The following CRTC3 variants were observed in gnomAD, a reference collection of about 807,000 sequenced individuals.
CRTC3 encodes CREB-regulated transcription coactivator 3.
In CRTC3, 26 loss-of-function variants were observed where a neutral mutation model predicts 74.5. The ratio of observed to expected loss-of-function variants is 0.35; its 90% CI spans 0.26 to 0.48. CRTC3 has a LOEUF of 0.48. Among genes scored for constraint, CRTC3 ranks in the 20% least tolerant of loss-of-function variants. The probability of loss-of-function intolerance (pLI) is 0.99; values close to 1 mark genes in which losing one functional copy is unlikely to be tolerated. For synonymous variants in CRTC3, 377 were observed against 325.8 expected (o/e 1.16, Z -1.69); for missense variants, 760 against 787.3 (o/e 0.97, Z 0.41).
At chr15:90,560,781 G>T (rs1405515730) in intron 2 of CRTC3, among the ~76,000 whole-genome samples, 1 of 152,158 alleles carries the variant, frequency 6.6e-6, no homozygotes, top group African/African-American at 2.4e-5. Flanking sequence ...AATTACCAAG[G>T]CTCCTGATTG....
Position 90,618,085 on chromosome 15 carries a change from C to G in CRTC3, c.699+117C>G, listed in dbSNP as rs979823688. The stretch of plus-strand genomic sequence containing the variant: ...ACTGGGGGAAAAGGAGAAGATTTGT[C>G]TGAGAACAGAGATAAGAATATACAA... On this transcript the variant is annotated intron_variant, in intron 8 of 14. Transcript: ENST00000268184. 4 of 646,674 alleles carry G rather than the reference C, an allele frequency of 6.2e-6. No individual in the cohort carries two copies. The African/African-American group carries it at 7.3e-5, about 12-fold the overall frequency. 40.1% of individuals were successfully genotyped at this position (646,674 alleles called of 1,614,324 possible).
intron 2 of CRTC3, among the ~76,000 whole-genome samples, chr15:90,562,981 A>G (rs2151066457): frequency 6.6e-6 from 1 of 152,338 alleles, no homozygotes; most frequent in African/African-American, 2.4e-5. Flanking sequence ...TGTCTCTCTC[A>G]GTATCTCTTA....
chr15:90,577,719 A>G (rs1967439737), intron 2 of CRTC3, among the ~76,000 whole-genome samples: 1 of 152,184 alleles, frequency 6.6e-6, no homozygotes, highest in Non-Finnish European at 1.5e-5. Context: ...AAATCCTATC[A>G]TTTACAGCAA....
intron 2 of CRTC3, among the ~76,000 whole-genome samples, chr15:90,591,086 C>G (rs879542268): frequency 1.3e-5 from 2 of 151,300 alleles, no homozygotes; most frequent in African/African-American, 2.4e-5. Flanking sequence ...TCCCCAGTAG[C>G]TAGGACTACA....
intron 2 of CRTC3, among the ~76,000 whole-genome samples, chr15:90,582,178 T>C (rs1318231080): frequency 6.6e-6 from 1 of 152,248 alleles, no homozygotes. Context: ...CCAGAACATA[T>C]TTCTCTAGTC....
At chr15:90,640,803 T>G (rs1022728630) in intron 13 of CRTC3, among the ~76,000 whole-genome samples, 2 of 151,740 alleles carry the variant, frequency 1.3e-5, no homozygotes, top group African/African-American at 4.9e-5. Flanking sequence ...AGGACAGATG[T>G]CTGAGGGGCC....
chr15:90,544,406 G>A (rs1279181696), intron 2 of CRTC3, among the ~76,000 whole-genome samples: 1 of 152,170 alleles, frequency 6.6e-6, no homozygotes, highest in Non-Finnish European at 1.5e-5. Context: ...ATATTCACAG[G>A]TTCTGGGGCT....
intron 1 of CRTC3, 108 bp from the exon 2 acceptor site, chr15:90,539,931 A>T: frequency 1.3e-6 from 1 of 790,224 alleles, no homozygotes; most frequent in Non-Finnish European, 2.1e-6. Context: ...GAAGAAATTG[A>T]AACAAGACTT....
intron 3 of CRTC3, chr15:90,598,440 C>CA (rs1312060271): frequency 2.8e-6 from 2 of 702,916 alleles, no homozygotes; most frequent in Non-Finnish European, 5.2e-6. Flanking sequence ...TTCCCTCTAA[C>CA]ACTCCACAGG....
In CRTC3 at chr15:90,641,946, A is replaced by G; in HGVS notation, c.1666A>G (p.Ser556Gly). Reference sequence around the variant, plus strand: ...ACTCCTTTCAGAAGACTCCAGCACCAGCCTGTTCAAAGACCTCAACAGTGC... The same window carrying G: ...ACTCCTTTCAGAAGACTCCAGCACCGGCCTGTTCAAAGACCTCAACAGTGC... ...NTILPEDSST[S>G]LFKDLNSALA... Residue 556 changes from serine to glycine, a missense_variant, in exon 15 of 15, where the codon AGC (serine) becomes GGC (glycine). Ser to Gly is a moderately conservative substitution (Grantham distance 56, BLOSUM62 0). Transcript: ENST00000268184. The G allele has an allele frequency of 6.2e-7, 1 of 1,613,552 alleles. No homozygotes were observed. The highest frequency in any genetic ancestry group is 8.5e-7 in the Non-Finnish European group (1 of 1,179,854).
chr15:90,602,927 T>A (rs1186440105), intron 4 of CRTC3, among the ~76,000 whole-genome samples: 1 of 150,944 alleles, frequency 6.6e-6, no homozygotes, highest in Non-Finnish European at 1.5e-5. Context: ...TGAGCTGAGA[T>A]CACGCCACAG....
chr15:90,613,625 G>GT (rs1259100645), intron 6 of CRTC3: 1 of 152,074 alleles, frequency 6.6e-6, no homozygotes, highest in Admixed American at 6.5e-5. Context: ...GACTAATCAG[G>GT]TTAACCTATA....
At chr15:90,593,908 C>A in intron 3 of CRTC3, 153 bp downstream of exon 3, 1 of 672,148 alleles carries the variant, frequency 1.5e-6, no homozygotes, top group Non-Finnish European at 2.3e-6. Flanking sequence ...AAACTAGAAA[C>A]ATCTCTGCAG....
intron 13 of CRTC3, among the ~76,000 whole-genome samples, chr15:90,639,549 A>C (rs1969365451): frequency 6.7e-6 from 1 of 149,912 alleles, no homozygotes; most frequent in East Asian, 2.0e-4. Flanking sequence ...TCCTGGGTTC[A>C]AGTGATTCTC....
intron 11 of CRTC3, chr15:90,634,920 A>C (rs1969177539): frequency 6.3e-7 from 1 of 1,577,020 alleles, no homozygotes; most frequent in Non-Finnish European, 8.6e-7. Flanking sequence ...AGTTAGCGTG[A>C]AAGTTGGAGA....
intron 3 of CRTC3, among the ~76,000 whole-genome samples, chr15:90,597,182 A>C (rs746298731): frequency 3.3e-5 from 5 of 152,242 alleles, no homozygotes; most frequent in Non-Finnish European, 5.9e-5. Flanking sequence ...GGGCTCGGGC[A>C]CTTGGAAGAG....
At chr15:90,542,639 G>C (rs1966821877) in intron 2 of CRTC3, among the ~76,000 whole-genome samples, 1 of 152,172 alleles carries the variant, frequency 6.6e-6, no homozygotes, top group South Asian at 2.1e-4. Flanking sequence ...ATTACAATCT[G>C]ATCTTCAGAC....
intron 11 of CRTC3, among the ~76,000 whole-genome samples, chr15:90,631,107 C>T (rs1004005022): frequency 1.3e-5 from 1 of 77,856 alleles, no homozygotes; most frequent in African/African-American, 3.5e-5. Context: ...CTCACCACCT[C>T]GCCATAAATT....
chr15:90,642,127 CT>C lies in CRTC3; in HGVS notation c.1848del (p.Asp617ThrfsTer20), dbSNP rs1191187715. The C allele has an allele frequency of 6.2e-7, 1 of 1,613,742 alleles. No homozygotes were observed. Among genetic ancestry groups the C allele is most frequent in the Admixed American group, 1.7e-5 (1 of 60,002 alleles). On this transcript the variant is annotated frameshift_variant, in exon 15 of 15. Coordinates refer to ENST00000268184, the MANE Select transcript of CRTC3 (RefSeq NM_022769.5). LOFTEE classifies it high-confidence loss of function. ...CCCTCTGTTGAAGAGACGTTTCGAG[CT>C]GACAGACTGTGAACAGAAGGCAGTG... is the stretch of plus-strand genomic sequence containing the variant. The part of the protein sequence containing the change: ...LDPSVEETFR[A>X]DRL
Sources: gnomAD v4.1 joint callset for allele counts (sites outside exome capture counted in the v4.1 genomes callset) on GRCh38, gnomAD v4.1.1 for gene constraint, MANE v1.5 for transcripts, NCBI Gene and HGNC (gene_info 2026-07-23, HGNC 2026-07-21) for gene names.